The following ARHGAP15 variants were observed in gnomAD, a reference collection of about 807,000 sequenced individuals.
The protein encoded by ARHGAP15 is rho GTPase-activating protein 15.
Under a neutral mutation model 63.7 loss-of-function variants are expected in ARHGAP15, and 51 were observed. That is an observed-to-expected ratio of 0.80 (90% CI 0.64 to 1.01). The LOEUF is 1.01. ARHGAP15 is among the 50% of genes least tolerant of loss of function. The pLI is 0.00. For missense variants in ARHGAP15, 560 were observed against 564.6 expected, an observed-to-expected ratio of 0.99 and a Z score of 0.08; for synonymous variants, 191 against 193.8, an observed-to-expected ratio of 0.99 and a Z score of 0.12.
At chr2:143,500,139 A>C (rs923555497) in intron 9 of ARHGAP15, among the ~76,000 whole-genome samples, 1 of 151,752 alleles carries the variant, frequency 6.6e-6, no homozygotes, top group Non-Finnish European at 1.5e-5. Context: ...AGGTGTGCTC[A>C]TTATACAATA....
chr2:143,693,327 C>A (rs1441845549), intron 12 of ARHGAP15, among the ~76,000 whole-genome samples: 1 of 152,156 alleles, frequency 6.6e-6, no homozygotes, highest in Non-Finnish European at 1.5e-5. Flanking sequence ...CCCACAAAGT[C>A]CCGTTTGTGA....
chr2:143,508,057 T>A (rs1395545783), intron 9 of ARHGAP15, among the ~76,000 whole-genome samples: 2 of 151,758 alleles, frequency 1.3e-5, no homozygotes, highest in Non-Finnish European at 2.9e-5. Context: ...AATCTCCATT[T>A]ACTTAGAAGA....
chr2:143,241,149 T>A (rs1030056708), intron 5 of ARHGAP15, among the ~76,000 whole-genome samples: 1 of 152,214 alleles, frequency 6.6e-6, no homozygotes, highest in African/African-American at 2.4e-5. Context: ...ATAGAGTATA[T>A]GTATAGTCTT....
chr2:143,354,627 A>G (rs1011698090), intron 6 of ARHGAP15, among the ~76,000 whole-genome samples: 1 of 152,112 alleles, frequency 6.6e-6, no homozygotes, highest in Non-Finnish European at 1.5e-5. Context: ...TTAGCTCATC[A>G]TGATATGTAG....
intron 11 of ARHGAP15, among the ~76,000 whole-genome samples, chr2:143,589,335 G>A (rs1002247926): frequency 2.6e-5 from 4 of 152,186 alleles, no homozygotes; most frequent in Non-Finnish European, 5.9e-5. Flanking sequence ...ACAAGTTTAA[G>A]TCATTTCTAA....
chr2:143,488,525 A>G (rs1344231817), intron 9 of ARHGAP15, among the ~76,000 whole-genome samples: 1 of 152,236 alleles, frequency 6.6e-6, no homozygotes, highest in Non-Finnish European at 1.5e-5. Context: ...TGAAAATTAA[A>G]TGTAAGAAAG....
At chr2:143,588,514 G>A (rs1428699018) in intron 11 of ARHGAP15, among the ~76,000 whole-genome samples, 3 of 152,092 alleles carry the variant, frequency 2.0e-5, no homozygotes, top group African/African-American at 7.2e-5. Flanking sequence ...GCCCTGGTGG[G>A]TGTCGTTCCC....
At chr2:143,762,163 CT>C (rs1686783595) in intron 13 of ARHGAP15, among the ~76,000 whole-genome samples, 2 of 152,026 alleles carry the variant, frequency 1.3e-5, no homozygotes, top group Admixed American at 6.6e-5. Flanking sequence ...GGTATCTTTG[CT>C]ATGATTTCTT....
At chr2:143,690,812 T>A (rs1364317805) in intron 12 of ARHGAP15, among the ~76,000 whole-genome samples, 1 of 151,512 alleles carries the variant, frequency 6.6e-6, no homozygotes, top group African/African-American at 2.4e-5. Flanking sequence ...CAAGTCAGCC[T>A]TTTTTTTGGC....
chr2:143,347,192 G>A (rs1263958071), intron 6 of ARHGAP15, among the ~76,000 whole-genome samples: 1 of 152,050 alleles, frequency 6.6e-6, no homozygotes, highest in Non-Finnish European at 1.5e-5. Flanking sequence ...TAAACACTAT[G>A]AACAAGAAAG....
intron 6 of ARHGAP15, among the ~76,000 whole-genome samples, chr2:143,426,443 A>G (rs1484737132): frequency 6.6e-6 from 1 of 152,140 alleles, no homozygotes; most frequent in African/African-American, 2.4e-5. Flanking sequence ...AGTCAGAGTC[A>G]TGGGCTTCTG....
intron 11 of ARHGAP15, among the ~76,000 whole-genome samples, chr2:143,598,926 T>TA (rs1357111213): frequency 6.7e-6 from 1 of 150,156 alleles, no homozygotes; most frequent in Non-Finnish European, 1.5e-5. Flanking sequence ...AAAAATAAGT[T>TA]GGTTTTTTTT....
intron 9 of ARHGAP15, chr2:143,518,917 CAGTATACCAA>C (rs774042055): frequency 2.9e-5 from 5 of 170,988 alleles, no homozygotes; most frequent in Non-Finnish European, 6.3e-5. Context: ...CTAAAACACT[CAGTATACCAA>C]AGACACTAAG....
At chr2:143,473,535 C>G (rs922204425) in intron 8 of ARHGAP15, among the ~76,000 whole-genome samples, 2 of 152,154 alleles carry the variant, frequency 1.3e-5, no homozygotes. Flanking sequence ...ACAACAATGA[C>G]AGTAGTTCTT....
chr2:143,269,351 G>C (rs1681155130), intron 6 of ARHGAP15, among the ~76,000 whole-genome samples: 1 of 152,122 alleles, frequency 6.6e-6, no homozygotes, highest in Non-Finnish European at 1.5e-5. Context: ...AAAGAAATGA[G>C]TCTTACGGAA....
chr2:143,177,657 G>A (rs1691060672), intron 2 of ARHGAP15, among the ~76,000 whole-genome samples: 1 of 152,104 alleles, frequency 6.6e-6, no homozygotes, highest in African/African-American at 2.4e-5. Flanking sequence ...GGTCCAAGAG[G>A]TCAAATCTAT....
chr2:143,443,733 T>C (rs1690003726), intron 8 of ARHGAP15, among the ~76,000 whole-genome samples: 1 of 152,094 alleles, frequency 6.6e-6, no homozygotes, highest in Non-Finnish European at 1.5e-5. Flanking sequence ...AGAGTAAAAA[T>C]TAGACACATT....
At chr2:143,181,545 G>A (rs1691235541) in intron 2 of ARHGAP15, among the ~76,000 whole-genome samples, 1 of 152,214 alleles carries the variant, frequency 6.6e-6, no homozygotes, top group African/African-American at 2.4e-5. Context: ...AGCACTTTCA[G>A]CTTCACCTTG....
chr2:143,718,866 T>TAA, intron 13 of ARHGAP15, among the ~76,000 whole-genome samples: 1 of 152,206 alleles, frequency 6.6e-6, no homozygotes, highest in Non-Finnish European at 1.5e-5. Flanking sequence ...AGGAAAGCAA[T>TAA]AAAGCTCTAG....
Sources: gnomAD v4.1 joint callset for allele counts (sites outside exome capture counted in the v4.1 genomes callset) on GRCh38, gnomAD v4.1.1 for gene constraint, MANE v1.5 for transcripts, NCBI Gene and HGNC (gene_info 2026-07-23, HGNC 2026-07-21) for gene names.